The following PAPPA2 variants were observed in gnomAD, a reference collection of about 807,000 sequenced individuals.
The protein encoded by PAPPA2 is pappalysin-2.
A neutral mutation model predicts 176.4 loss-of-function variants in PAPPA2; 86 were observed. The observed-to-expected ratio is 0.49, with a 90% CI of 0.41 to 0.58. The LOEUF (loss-of-function observed/expected upper bound fraction) is 0.58. Ranked by LOEUF, PAPPA2 falls within the 20% of genes least tolerant of loss-of-function variation. The pLI, the probability that PAPPA2 is intolerant of heterozygous loss-of-function variation, is 0.00. For synonymous variants in PAPPA2, 809 were observed against 852.2 expected (o/e 0.95, Z 0.88); for missense variants, 2,073 against 2,256.9 (o/e 0.92, Z 1.65).
chr1:176,826,309 A>T lies in PAPPA2; in HGVS notation c.5203-13864A>T, dbSNP rs1380229947. Among the ~76,000 whole-genome samples the T allele has an allele frequency of 3.3e-5, 5 of 152,236 alleles. No individual in the cohort carries two copies. The South Asian group carries it at 8.3e-4, about 25-fold the overall frequency. Reference sequence around the variant, plus strand: ...AGATTTAAACCAGAATAAATGGAAAAGGAGATATGCCAATGAACTCTGCTT... The same window carrying T: ...AGATTTAAACCAGAATAAATGGAAATGGAGATATGCCAATGAACTCTGCTT... On this transcript the variant is annotated intron_variant, in intron 21 of 22. Coordinates refer to ENST00000367662, the MANE Select transcript of PAPPA2 (RefSeq NM_020318.3).
At chr1:176,635,647 C>T (rs1455387821) in intron 3 of PAPPA2, among the ~76,000 whole-genome samples, 2 of 152,210 alleles carry the variant, frequency 1.3e-5, no homozygotes, top group South Asian at 4.1e-4. Flanking sequence ...ACTCAACTTT[C>T]CTTGTTCCCT....
chr1:176,495,933 C>G (rs969799939), intron 1 of PAPPA2, among the ~76,000 whole-genome samples: 2 of 151,952 alleles, frequency 1.3e-5, no homozygotes, highest in African/African-American at 4.8e-5. Flanking sequence ...ATGCCTGGCT[C>G]TGCAGTGAAT....
intron 1 of PAPPA2, among the ~76,000 whole-genome samples, chr1:176,489,105 G>A (rs1288183293): frequency 3.3e-5 from 5 of 152,244 alleles, no homozygotes; most frequent in East Asian, 1.9e-4. Flanking sequence ...GTGCCCATAC[G>A]CAAACACGAG....
intron 19 of PAPPA2, 141 bp from the exon 20 acceptor site, chr1:176,793,419 C>G: frequency 1.5e-6 from 1 of 667,314 alleles, no homozygotes; most frequent in Non-Finnish European, 2.6e-6. Context: ...AGATGAATAT[C>G]AGCCCTGCCT....
chr1:176,463,907 A>G (rs903257788), intron 1 of PAPPA2, among the ~76,000 whole-genome samples: 5 of 152,158 alleles, frequency 3.3e-5, no homozygotes, highest in Non-Finnish European at 7.4e-5. Flanking sequence ...TGTGGGGTGC[A>G]GGAAGGAAAG....
chr1:176,624,278 C>T (rs565287343), intron 3 of PAPPA2, among the ~76,000 whole-genome samples: 2 of 152,278 alleles, frequency 1.3e-5, no homozygotes, highest in South Asian at 4.1e-4. Context: ...TGGGCAGATG[C>T]TCTGCCTGTT....
At chr1:176,819,896 C>A (rs1367720832) in intron 21 of PAPPA2, among the ~76,000 whole-genome samples, 1 of 152,192 alleles carries the variant, frequency 6.6e-6, no homozygotes, top group Non-Finnish European at 1.5e-5. Context: ...TGCAGGCCCC[C>A]AAACTGGGTA....
intron 3 of PAPPA2, among the ~76,000 whole-genome samples, chr1:176,623,675 TTCTTTCTTTCTC>T (rs1655791238): frequency 6.9e-6 from 1 of 144,208 alleles, no homozygotes; most frequent in Non-Finnish European, 1.5e-5. Context: ...TTCTTTTTCT[TTCTTTCTTTCTC>T]TCTCTCTTTC....
chr1:176,512,066 G>T (rs549950569), intron 1 of PAPPA2, among the ~76,000 whole-genome samples: 4 of 151,850 alleles, frequency 2.6e-5, no homozygotes, highest in Non-Finnish European at 5.9e-5. Context: ...AGAATAAAAA[G>T]GACCTCCCCA....
chr1:176,677,321 A>C (rs1469855781), intron 4 of PAPPA2, among the ~76,000 whole-genome samples: 1 of 152,180 alleles, frequency 6.6e-6, no homozygotes, highest in African/African-American at 2.4e-5. Context: ...AGATAAGCAC[A>C]CTAGCCTGGA....
chr1:176,505,772 T>A (rs1648225422), intron 1 of PAPPA2, among the ~76,000 whole-genome samples: 1 of 151,924 alleles, frequency 6.6e-6, no homozygotes, highest in Admixed American at 6.6e-5. Context: ...ACTTCAGTTA[T>A]CAAGATAGAG....
intron 12 of PAPPA2, among the ~76,000 whole-genome samples, chr1:176,721,405 C>T (rs937604954): frequency 3.3e-5 from 5 of 152,140 alleles, no homozygotes; most frequent in Non-Finnish European, 5.9e-5. Flanking sequence ...TTCTATGCTT[C>T]CACTATTTTT....
intron 3 of PAPPA2, among the ~76,000 whole-genome samples, chr1:176,615,578 C>T (rs1278510598): frequency 2.6e-5 from 4 of 152,166 alleles, no homozygotes; most frequent in Admixed American, 2.0e-4. Context: ...CCACCCGCTT[C>T]GGCCTCCCAA....
intron 3 of PAPPA2, among the ~76,000 whole-genome samples, chr1:176,651,393 G>C (rs1240241504): frequency 6.6e-6 from 1 of 151,426 alleles, no homozygotes; most frequent in Non-Finnish European, 1.5e-5. Flanking sequence ...AGCTTTTGTA[G>C]AGACAATATA....
chr1:176,723,159 C>T (rs1218292311), intron 12 of PAPPA2, among the ~76,000 whole-genome samples: 1 of 152,144 alleles, frequency 6.6e-6, no homozygotes, highest in Non-Finnish European at 1.5e-5. Context: ...CCTATGATAA[C>T]TGAACTACTC....
chr1:176,490,743 T>C (rs1214297074), intron 1 of PAPPA2, among the ~76,000 whole-genome samples: 2 of 152,108 alleles, frequency 1.3e-5, no homozygotes, highest in African/African-American at 2.4e-5. Context: ...CTCCCTAGTG[T>C]GGACTTGCAC....
intron 2 of PAPPA2, among the ~76,000 whole-genome samples, chr1:176,570,650 G>A (rs1336451916): frequency 2.0e-5 from 3 of 151,002 alleles, no homozygotes; most frequent in African/African-American, 7.3e-5. Flanking sequence ...AGCCTTGCTG[G>A]GCCTTTGGAC....
Position 176,595,418 on chromosome 1 carries a change from C to T in PAPPA2, c.1814C>T (p.Thr605Ile), listed in dbSNP as rs751689501. ...HCDPECEHPL[T>I]GYDGGDCRLQ... ...GACCCCGAGTGTGAGCACCCACTCACAGGCTATGATGGGGGTGACTGCCGC... is the reference window on the plus strand; with the variant it reads ...GACCCCGAGTGTGAGCACCCACTCATAGGCTATGATGGGGGTGACTGCCGC... The change falls in exon 3 of 23, where the codon ACA (threonine) becomes ATA (isoleucine). Residue 605 changes from threonine (T) to isoleucine (I), a missense_variant. Transcript: ENST00000367662. The T allele has an allele frequency of 1.2e-6, 2 of 1,614,218 alleles. No individual in the cohort carries two copies. Among genetic ancestry groups the T allele is most frequent in the Admixed American group, 3.3e-5 (2 of 60,024 alleles).
intron 1 of PAPPA2, among the ~76,000 whole-genome samples, chr1:176,486,475 C>A (rs1167022403): frequency 6.6e-6 from 1 of 151,962 alleles, no homozygotes; most frequent in East Asian, 1.9e-4. Context: ...AGAATATGTA[C>A]AACAAGAGAA....
Sources: allele counts gnomAD v4.1 joint callset (sites outside exome capture counted in the v4.1 genomes callset), GRCh38; gene constraint gnomAD v4.1.1; transcripts MANE v1.5; gene names NCBI Gene and HGNC (gene_info 2026-07-23, HGNC 2026-07-21).